The following SMG7 variants were observed in gnomAD, a reference collection of about 807,000 sequenced individuals.
SMG7 encodes SMG7 nonsense mediated mRNA decay factor.
Under a neutral mutation model 148.2 loss-of-function variants are expected in SMG7, and 34 were observed. The observed-to-expected ratio is 0.23, with a 90% CI of 0.17 to 0.31. The LOEUF (loss-of-function observed/expected upper bound fraction) is 0.31. Ranked by LOEUF, SMG7 falls within the 10% of genes least tolerant of loss-of-function variation. SMG7 has a pLI of 1.00. For synonymous variants in SMG7, 492 were observed against 515.1 expected (o/e 0.96, Z 0.61); for missense variants, 1,114 against 1,408.4 (o/e 0.79, Z 3.35).
intron 1 of SMG7, among the ~76,000 whole-genome samples, chr1:183,505,188 A>G (rs1660627201): frequency 6.6e-6 from 1 of 151,654 alleles, no homozygotes; most frequent in South Asian, 2.1e-4. Context: ...CAGCATCCTA[A>G]GAGTTGACGT....
chr1:183,541,720 T>C (rs906717985), intron 13 of SMG7, among the ~76,000 whole-genome samples: 5 of 152,340 alleles, frequency 3.3e-5, no homozygotes, highest in African/African-American at 1.2e-4. Flanking sequence ...TGAATGAACT[T>C]ACCACCTCCA....
chr1:183,546,797 G>C (rs1050510298), intron 17 of SMG7, among the ~76,000 whole-genome samples: 13 of 152,176 alleles, frequency 8.5e-5, no homozygotes, highest in African/African-American at 2.9e-4. Flanking sequence ...TAAAAGATCT[G>C]TTTCTCTGTT....
chr1:183,473,856 A>G, intron 1 of SMG7: 2 of 985,406 alleles, frequency 2.0e-6, no homozygotes, highest in African/African-American at 3.5e-5. Flanking sequence ...TAGTGACATG[A>G]AAGTATTGAC....
At chr1:183,541,181 C>G (rs1304886967) in intron 13 of SMG7, 78 bp downstream of exon 13, 1 of 1,241,748 alleles carries the variant, frequency 8.1e-7, no homozygotes, top group Non-Finnish European at 1.2e-6. Context: ...CGCGCGCACA[C>G]ACACACATCT....
At chr1:183,475,100 GA>G (rs1484331485) in intron 1 of SMG7, among the ~76,000 whole-genome samples, 1 of 152,204 alleles carries the variant, frequency 6.6e-6, no homozygotes, top group East Asian at 1.9e-4. Context: ...GAAACTAACT[GA>G]AATGTAGGTC....
chr1:183,544,484 T>C lies in SMG7; in HGVS notation c.1974T>C (p.Leu658=). The change falls in exon 15 of 23, where the codon CTT becomes CTC. Residue 658 remains leucine (L), a synonymous_variant. Transcript: ENST00000688051. ...ATCACCCTGGAGCCTTCCCTCCTCT[T>C]CCCAGCAGGCCAGGTAAATATGTTT... ...PIHHPGAFPP[L]PSRPGFPPPT... 6.2e-7 allele frequency: 1 copy of C among 1,613,772 alleles called. No individual in the cohort carries two copies. Among genetic ancestry groups the C allele is most frequent in the Non-Finnish European group, 8.5e-7 (1 of 1,179,776 alleles).
At chr1:183,510,530 A>T (rs963849315) in intron 1 of SMG7, among the ~76,000 whole-genome samples, 6 of 152,056 alleles carry the variant, frequency 3.9e-5, no homozygotes, top group Non-Finnish European at 8.8e-5. Flanking sequence ...AGTATTCTTC[A>T]TTTATGTTGC....
At chr1:183,523,085 G>C (rs1237877886) in intron 4 of SMG7, among the ~76,000 whole-genome samples, 1 of 152,166 alleles carries the variant, frequency 6.6e-6, no homozygotes, top group African/African-American at 2.4e-5. Context: ...CCATTCTGCT[G>C]TAGGTTGTTT....
chr1:183,552,641 T>G lies in SMG7; in HGVS notation c.*710T>G, dbSNP rs534836128. ...CCAGCAGGGAATGCCCTTCACTCTG[T>G]AGGTGCTCGAGCCCCAATCGAGGAT... On this transcript the variant is annotated 3_prime_UTR_variant, in exon 23 of 23. Transcript: ENST00000688051. 1.6e-5 allele frequency: 17 copies of G among 1,090,862 alleles called. No homozygotes were observed. The South Asian group carries it at 4.6e-4, about 29-fold the overall frequency. The allele number at this position is 1,090,862 out of a possible 1,614,324, so 67.6% of individuals were successfully genotyped here.
chr1:183,476,773 T>C (rs1457799032), intron 1 of SMG7, among the ~76,000 whole-genome samples: 4 of 152,184 alleles, frequency 2.6e-5, no homozygotes, highest in Admixed American at 2.6e-4. Flanking sequence ...AATAAAAATA[T>C]GATCTTAAAT....
chr1:183,500,975 C>T (rs1029620149), intron 1 of SMG7, among the ~76,000 whole-genome samples: 1 of 152,088 alleles, frequency 6.6e-6, no homozygotes, highest in Non-Finnish European at 1.5e-5. Flanking sequence ...AGTATGGCAG[C>T]AAAGTGCGCA....
intron 1 of SMG7, among the ~76,000 whole-genome samples, chr1:183,475,122 A>C (rs1030025069): frequency 4.6e-5 from 7 of 152,218 alleles, no homozygotes; most frequent in African/African-American, 1.2e-4. Context: ...TTCTAACTTC[A>C]AGTCAGCTGT....
At chr1:183,528,775 T>C (rs1447771710) in intron 6 of SMG7, 117 bp from the exon 7 acceptor site, 1 of 910,728 alleles carries the variant, frequency 1.1e-6, no homozygotes, top group African/African-American at 1.7e-5. Context: ...GGCAGTCATA[T>C]TTACCTTATA....
Position 183,538,418 on chromosome 1 carries a change from T to C in SMG7, c.1273T>C (p.Leu425=), listed in dbSNP as rs373449489. 2 of 1,612,966 alleles carry C rather than the reference T, an allele frequency of 1.2e-6. No homozygotes were observed. The highest frequency in any genetic ancestry group is 2.7e-5 in the African/African-American group (2 of 74,910). Residue 425 remains leucine, a synonymous_variant, in exon 12 of 23, where the codon TTG becomes CTG. Coordinates refer to ENST00000688051, the MANE Select transcript of SMG7 (RefSeq NM_001375584.1). ...AGAGGAGTTTGAATTACAAGGATTT[T>C]TGGCATTGAGACCTTCTTTCAGGTA... The part of the protein sequence containing the change: ...LPEEFELQGF[L]ALRPSFRNLD...
At chr1:183,515,639 A>G (rs1385853714) in intron 2 of SMG7, among the ~76,000 whole-genome samples, 1 of 145,518 alleles carries the variant, frequency 6.9e-6, no homozygotes, top group East Asian at 2.0e-4. Flanking sequence ...TTTTCATTTC[A>G]TGATATTATT....
intron 1 of SMG7, chr1:183,502,340 T>G (rs1281300131): frequency 6.5e-7 from 1 of 1,534,938 alleles, no homozygotes; most frequent in Non-Finnish European, 8.7e-7. Context: ...AAGTCCCAGA[T>G]GAGGACCGAA....
chr1:183,529,162 T>G (rs1011725647), intron 7 of SMG7, 120 bp downstream of exon 7: 1 of 1,048,010 alleles, frequency 9.5e-7, no homozygotes, highest in African/African-American at 1.6e-5. Flanking sequence ...TCTAAACATA[T>G]AGATTTTTCA....
Position 183,533,662 on chromosome 1 carries a change from AT to A in SMG7, c.1007-5del, listed in dbSNP as rs201403222. 88 of 1,568,104 alleles carry A rather than the reference AT, an allele frequency of 5.6e-5. No homozygotes were observed. Among genetic ancestry groups the A allele is most frequent in the Middle Eastern group, 1.7e-4 (1 of 5,932 alleles). ...CATATTTCTTATGCTTTTTGAATAC[AT>A]TTTTTTTTCAAGTGTCTTTTCTTGG... On this transcript the variant is annotated splice_polypyrimidine_tract_variant and intron_variant, in intron 9 of 22. Transcript: ENST00000688051.
At chr1:183,489,612 T>C (rs1292145936) in intron 1 of SMG7, among the ~76,000 whole-genome samples, 3 of 152,160 alleles carry the variant, frequency 2.0e-5, no homozygotes, top group East Asian at 1.9e-4. Context: ...ACAATTGGAA[T>C]AGGACCATGG....
Sources: allele counts gnomAD v4.1 joint callset (sites outside exome capture counted in the v4.1 genomes callset), GRCh38; gene constraint gnomAD v4.1.1; transcripts MANE v1.5; gene names NCBI Gene and HGNC (gene_info 2026-07-23, HGNC 2026-07-21).